UTP18: variants seen among roughly 807,000 people sequenced by gnomAD.
The protein encoded by UTP18 is U3 small nucleolar RNA-associated protein 18 homolog.
UTP18 carries 36 observed loss-of-function variants against 61.1 expected under a neutral mutation model. That is an observed-to-expected ratio of 0.59 (90% CI 0.45 to 0.78). UTP18 has a LOEUF of 0.78. UTP18 is among the 30% of genes least tolerant of loss of function. UTP18 has a pLI of 0.00. For missense variants in UTP18, 753 were observed against 693.9 expected, an observed-to-expected ratio of 1.09 and a Z score of -0.96; for synonymous variants, 282 against 251.1, an observed-to-expected ratio of 1.12 and a Z score of -1.16.
intron 5 of UTP18, among the ~76,000 whole-genome samples, chr17:51,274,656 TAGTC>T (rs1416323240): frequency 1.3e-5 from 2 of 151,858 alleles, no homozygotes; most frequent in African/African-American, 2.4e-5. Context: ...TTCTCCATGT[TAGTC>T]AGGCTGGTCT....
intron 5 of UTP18, among the ~76,000 whole-genome samples, chr17:51,275,562 A>G (rs369720382): frequency 6.6e-6 from 1 of 152,228 alleles, no homozygotes; most frequent in South Asian, 2.1e-4. Flanking sequence ...GGAAATGACT[A>G]CATACTAGTG....
At chr17:51,263,725 C>T (rs2055531629) in intron 2 of UTP18, among the ~76,000 whole-genome samples, 1 of 152,076 alleles carries the variant, frequency 6.6e-6, no homozygotes, top group Admixed American at 6.5e-5. Context: ...GAAATGGGCA[C>T]AATGATAGTA....
intron 1 of UTP18, among the ~76,000 whole-genome samples, chr17:51,261,374 C>A (rs1415664619): frequency 6.6e-6 from 1 of 152,198 alleles, no homozygotes; most frequent in African/African-American, 2.4e-5. Context: ...TGAGACCCAC[C>A]ATGTTTTGAG....
chr17:51,274,923 C>T (rs911576490), intron 5 of UTP18, among the ~76,000 whole-genome samples: 4 of 151,504 alleles, frequency 2.6e-5, no homozygotes, highest in African/African-American at 9.7e-5. Context: ...CATGGCCGGG[C>T]GCAGTGGCTC....
chr17:51,277,415 C>T, intron 7 of UTP18, 111 bp downstream of exon 7: 1 of 1,237,972 alleles, frequency 8.1e-7, no homozygotes, highest in Non-Finnish European at 1.1e-6. Context: ...ATAAGAGTTT[C>T]TTTAGGTATA....
intron 6 of UTP18, 24 bp from the exon 7 acceptor site, chr17:51,277,101 CAAAAG>C: frequency 6.2e-7 from 1 of 1,603,526 alleles, no homozygotes; most frequent in Non-Finnish European, 8.5e-7. Flanking sequence ...TGGAAATAAT[CAAAAG>C]AACCATTTTG....
intron 9 of UTP18, among the ~76,000 whole-genome samples, chr17:51,281,905 TAA>T (rs1904940085): frequency 6.6e-6 from 1 of 152,252 alleles, no homozygotes; most frequent in Non-Finnish European, 1.5e-5. Flanking sequence ...GAAAGTTACT[TAA>T]AATCATCAGC....
intron 1 of UTP18, among the ~76,000 whole-genome samples, chr17:51,261,768 AG>A (rs1200650077): frequency 2.0e-5 from 3 of 152,058 alleles, no homozygotes; most frequent in Non-Finnish European, 4.4e-5. Context: ...GGCAGAGGAA[AG>A]CTCACCGAGA....
Position 51,268,881 on chromosome 17 carries a change from C to CA in UTP18, c.599_600insA (p.Lys201Ter). The CA allele has an allele frequency of 6.2e-7, 1 of 1,613,930 alleles. No individual in the cohort carries two copies. The highest frequency in any genetic ancestry group is 8.5e-7 in the Non-Finnish European group (1 of 1,179,862). ...GGAGTACCTGCCTGGGCAGAGACTA[C>CA]TAAGCGGAAAACATCTTCAGATGGT... On this transcript the variant is annotated frameshift_variant, in exon 4 of 14. Coordinates refer to ENST00000225298, the MANE Select transcript of UTP18 (RefSeq NM_016001.3). LOFTEE classifies it high-confidence loss of function.
At chr17:51,288,305 G>A in intron 11 of UTP18, 102 bp downstream of exon 11, 1 of 1,203,996 alleles carries the variant, frequency 8.3e-7, no homozygotes, top group South Asian at 1.7e-5. Flanking sequence ...TTTTAAAACA[G>A]TGGCTTCTTT....
rs78192756 is a variant in UTP18, at chr17:51,266,815, A to G, written c.554+535A>G. On this transcript the variant is annotated intron_variant, in intron 3 of 13. Transcript: ENST00000225298. ...CGGCTAGTCCATGTTAGTTTCTCCA[A>G]TTGTTGTAAGGTGCATACATTTTAT... Among the ~76,000 whole-genome samples, 461 of 152,188 alleles carry G rather than the reference A, an allele frequency of 3.0e-3. 3 individuals are homozygous for G. The highest frequency in any genetic ancestry group is 0.01 in the African/African-American group (419 of 41,528).
chr17:51,288,191 A>C lies in UTP18; in HGVS notation c.1491A>C (p.Glu497Asp). 1 of 1,587,058 alleles carries C rather than the reference A, an allele frequency of 6.3e-7. No homozygotes were observed. Among genetic ancestry groups the C allele is most frequent in the African/African-American group, 1.4e-5 (1 of 73,260 alleles). Residue 497 changes from glutamate (E) to aspartate (D), a missense_variant, in exon 11 of 14, where the codon GAA (glutamate) becomes GAC (aspartate). Glu to Asp is a conservative substitution (Grantham distance 45). Coordinates refer to ENST00000225298, the MANE Select transcript of UTP18 (RefSeq NM_016001.3). ...ILAIASEKMK[E>D]AVRLVHLPSC... is the part of the protein sequence containing the mutation. ...CAATTGCTTCAGAAAAAATGAAAGA[A>C]GCAGTCAGATTGGTAAATATTTCAT...
intron 4 of UTP18, among the ~76,000 whole-genome samples, chr17:51,269,934 C>T (rs558541508): frequency 1.3e-5 from 2 of 152,018 alleles, no homozygotes; most frequent in South Asian, 4.2e-4. Flanking sequence ...CAGCTCACTA[C>T]AACCTCTGCC....
At chr17:51,274,855 G>A (rs2144411344) in intron 5 of UTP18, among the ~76,000 whole-genome samples, 1 of 152,116 alleles carries the variant, frequency 6.6e-6, no homozygotes, top group African/African-American at 2.4e-5. Context: ...CACCTTATGA[G>A]GACAATTCAT....
At chr17:51,277,349 G>C in intron 7 of UTP18, 45 bp downstream of exon 7, 2 of 1,599,116 alleles carry the variant, frequency 1.3e-6, no homozygotes, top group Non-Finnish European at 1.7e-6. Context: ...TCCCCCCAAG[G>C]TGAGTTTATG....
In UTP18 at chr17:51,260,579, C is replaced by T. The variant is rs752729183; in HGVS notation, c.-6C>T. 5 of 1,611,424 alleles carry T rather than the reference C, an allele frequency of 3.1e-6. No homozygotes were observed. The Admixed American group carries it at 5.0e-5, about 16-fold the overall frequency. ...TGAGCGCCTGCGTTTCTCCTCAAAC[C>T]TAACGATGCCGCCGGAGCGGAGGAG... is the stretch of plus-strand genomic sequence containing the variant. On this transcript the variant is annotated 5_prime_UTR_variant, in exon 1 of 14. Transcript: ENST00000225298.
At chr17:51,267,461 GTT>G (rs199741655) in intron 3 of UTP18, among the ~76,000 whole-genome samples, 6 of 141,652 alleles carry the variant, frequency 4.2e-5, no homozygotes, top group African/African-American at 1.1e-4. Context: ...TTTTTTTTTG[GTT>G]TTTTTTTTTT....
At position 51,275,913 on chromosome 17, in the gene UTP18, G is replaced by A. The variant is rs1219786312; in HGVS notation, c.759G>A (p.Arg253=). 2 of 1,612,670 alleles carry A rather than the reference G, an allele frequency of 1.2e-6. No homozygotes were observed. Among genetic ancestry groups the A allele is most frequent in the Admixed American group, 3.4e-5 (2 of 59,542 alleles). ...ATGCTGAACGTCCTACTGTTGCTCG[G>A]ATCTCATCTGTGCAGTTCCATCCCG... ...HANAERPTVA[R]ISSVQFHPGA... Residue 253 remains arginine (R), a synonymous_variant, in exon 6 of 14, where the codon CGG becomes CGA. Coordinates refer to ENST00000225298, the MANE Select transcript of UTP18 (RefSeq NM_016001.3).
At chr17:51,282,770 CA>C (rs1204869140) in intron 9 of UTP18, among the ~76,000 whole-genome samples, 1 of 151,934 alleles carries the variant, frequency 6.6e-6, no homozygotes, top group Non-Finnish European at 1.5e-5. Flanking sequence ...AAGGAGAAAT[CA>C]AAAGTTGAGC....
Sources: gnomAD v4.1 joint callset for allele counts (sites outside exome capture counted in the v4.1 genomes callset) on GRCh38, gnomAD v4.1.1 for gene constraint, MANE v1.5 for transcripts, NCBI Gene and HGNC (gene_info 2026-07-23, HGNC 2026-07-21) for gene names.